Variants in SMPD3 observed in about 807,000 individuals in gnomAD.
SMPD3 encodes the protein sphingomyelin phosphodiesterase 3.
Under a neutral mutation model 55.7 loss-of-function variants are expected in SMPD3, and 21 were observed. The ratio of observed to expected loss-of-function variants is 0.38; its 90% confidence interval spans 0.27 to 0.54. SMPD3 has a LOEUF of 0.54. SMPD3 is among the 20% of genes least tolerant of loss of function. SMPD3 has a pLI of 0.80. For synonymous variants in SMPD3, 457 were observed against 404.3 expected (o/e 1.13, Z -1.56); for missense variants, 842 against 899.6 (o/e 0.94, Z 0.82).
chr16:68,362,476 G>C (rs1597583382), intron 7 of SMPD3, among the ~76,000 whole-genome samples: 1 of 152,342 alleles, frequency 6.6e-6, no homozygotes, highest in East Asian at 1.9e-4. Context: ...CTGCCAGCCT[G>C]TCCCCTGGGG....
intron 1 of SMPD3, among the ~76,000 whole-genome samples, chr16:68,441,000 G>A (rs561285667): frequency 2.6e-5 from 4 of 152,280 alleles, no homozygotes; most frequent in East Asian, 3.9e-4. Flanking sequence ...AATAGGGGCC[G>A]CATACTTAGC....
intron 1 of SMPD3, among the ~76,000 whole-genome samples, chr16:68,415,667 A>G (rs1427582509): frequency 6.6e-6 from 1 of 152,214 alleles, no homozygotes; most frequent in Non-Finnish European, 1.5e-5. Context: ...AAATATATAT[A>G]GCGGATGCTT....
chr16:68,383,793 C>G (rs1173102759), intron 2 of SMPD3, among the ~76,000 whole-genome samples: 1 of 152,184 alleles, frequency 6.6e-6, no homozygotes, highest in Non-Finnish European at 1.5e-5. Context: ...CCTCCTCCCC[C>G]CACTTCCCCA....
At chr16:68,374,598 A>C (rs1212281237) in intron 2 of SMPD3, among the ~76,000 whole-genome samples, 6 of 152,094 alleles carry the variant, frequency 3.9e-5, no homozygotes, top group African/African-American at 1.4e-4. Flanking sequence ...CCCGCCTGCC[A>C]TCTGGCTTGG....
chr16:68,390,298 C>T (rs1418393115), intron 1 of SMPD3, among the ~76,000 whole-genome samples: 1 of 152,226 alleles, frequency 6.6e-6, no homozygotes, highest in Admixed American at 6.5e-5. Context: ...TTACTGCATC[C>T]TATTTTCATC....
intron 3 of SMPD3, chr16:68,367,766 G>A (rs995419896): frequency 2.6e-5 from 4 of 152,268 alleles, no homozygotes; most frequent in African/African-American, 9.6e-5. Flanking sequence ...GTGGCCTTGG[G>A]AGCCGCAGAG....
At chr16:68,393,639 G>A (rs1490949929) in intron 1 of SMPD3, among the ~76,000 whole-genome samples, 1 of 152,206 alleles carries the variant, frequency 6.6e-6, no homozygotes. Flanking sequence ...GAGAATATTA[G>A]AGTGTAGGCG....
intron 1 of SMPD3, among the ~76,000 whole-genome samples, chr16:68,400,833 C>T (rs977141057): frequency 4.6e-5 from 7 of 152,202 alleles, no homozygotes; most frequent in East Asian, 1.9e-4. Context: ...CTGTGGCTGA[C>T]GACTGTAACT....
rs116016266 is a variant in SMPD3 at position 68,382,480 on chromosome 16, G to T, written c.-207+4118C>A. 6.2e-3 allele frequency among the ~76,000 whole-genome samples: 949 copies of T among 152,354 alleles called. 7 individuals carry two copies. The highest frequency in any genetic ancestry group is 0.021 in the African/African-American group (877 of 41,580). On this transcript the variant is annotated intron_variant, in intron 2 of 8. Coordinates refer to ENST00000219334, the MANE Select transcript of SMPD3 (RefSeq NM_018667.4). ...AGGGTATTGCACGGCAAGGGCCTAG[G>T]GTTTCTGGCAGCAGAGACTTTGCCT...
At chr16:68,433,288 C>A (rs1453620892) in intron 1 of SMPD3, among the ~76,000 whole-genome samples, 2 of 152,238 alleles carry the variant, frequency 1.3e-5, no homozygotes, top group African/African-American at 4.8e-5. Context: ...TCACCAGCCT[C>A]TGTGGCATCC....
intron 3 of SMPD3, chr16:68,370,182 A>G (rs2089612471): frequency 6.6e-6 from 1 of 152,602 alleles, no homozygotes; most frequent in Non-Finnish European, 1.5e-5. Context: ...CACAGCCTAA[A>G]AACTCCTCCA....
At chr16:68,444,784 GC>G (rs2090597823) in intron 1 of SMPD3, among the ~76,000 whole-genome samples, 1 of 152,184 alleles carries the variant, frequency 6.6e-6, no homozygotes, top group African/African-American at 2.4e-5. Context: ...AATTTATGAG[GC>G]AATTTAGCTT....
chr16:68,419,490 G>A (rs1470937246), intron 1 of SMPD3, among the ~76,000 whole-genome samples: 2 of 152,164 alleles, frequency 1.3e-5, no homozygotes, highest in East Asian at 1.9e-4. Context: ...CCCCCTCAAC[G>A]CCTAGCCAGA....
rs1452290508 is a variant in SMPD3, at chr16:68,447,933, C to T, written c.-269+420G>A. Among the ~76,000 whole-genome samples, 5 of 151,762 alleles carry T rather than the reference C, an allele frequency of 3.3e-5. No homozygotes were observed. Among genetic ancestry groups the T allele is most frequent in the Non-Finnish European group, 7.4e-5 (5 of 67,916 alleles). On this transcript the variant is annotated intron_variant, in intron 1 of 8. Transcript: ENST00000219334. This position sits in a 1 kb window ranked among gnomAD's most constrained non-coding sequence, Gnocchi z 5.1. ...AGCGGTCCGCGATCTCATCCATCAC[C>T]ACCAGACTCCTTTGTAACCTCGAGC...
chr16:68,368,748 A>G, intron 3 of SMPD3: 1 of 152,442 alleles, frequency 6.6e-6, no homozygotes, highest in Non-Finnish European at 1.5e-5. Flanking sequence ...GCAGAAATGG[A>G]AGCTGCAGAG....
chr16:68,384,294 C>T (rs1049399982), intron 2 of SMPD3, among the ~76,000 whole-genome samples: 1 of 152,246 alleles, frequency 6.6e-6, no homozygotes, highest in Non-Finnish European at 1.5e-5. Context: ...TCAAGATTCA[C>T]AGAGAAGATC....
At chr16:68,379,200 C>A (rs1836472748) in intron 2 of SMPD3, among the ~76,000 whole-genome samples, 1 of 152,272 alleles carries the variant, frequency 6.6e-6, no homozygotes, top group South Asian at 2.1e-4. Flanking sequence ...GGAGGCCCTG[C>A]AGAACCTGGT....
intron 1 of SMPD3, among the ~76,000 whole-genome samples, chr16:68,389,798 C>T (rs1221211073): frequency 6.6e-6 from 1 of 152,146 alleles, no homozygotes; most frequent in Non-Finnish European, 1.5e-5. Context: ...CTTGACTGAA[C>T]CCTAGTGAAG....
rs376222182 is a variant in SMPD3, at chr16:68,411,344, G to GTCAGATAGGAGC, written c.-268-24686_-268-24685insGCTCCTATCTGA. ...CCAGGTGTGGCGGCCACACTGCCTG[G>GTCAGATAGGAGC]CCAGAGCTGGTGTCTGAGGACAACC... is the stretch of plus-strand genomic sequence containing the variant. On this transcript the variant is annotated intron_variant, in intron 1 of 8. Transcript: ENST00000219334. Among the ~76,000 whole-genome samples the GTCAGATAGGAGC allele has an allele frequency of 3.5e-3, 540 of 152,356 alleles. 5 individuals carry two copies. The highest frequency in any genetic ancestry group is 0.012 in the African/African-American group (485 of 41,576).
Sources: allele counts gnomAD v4.1 joint callset (sites outside exome capture counted in the v4.1 genomes callset), GRCh38; gene constraint gnomAD v4.1.1; non-coding constraint Gnocchi (gnomAD v3.1); transcripts MANE v1.5; gene names NCBI Gene and HGNC (gene_info 2026-07-23, HGNC 2026-07-21).